The following AFG3L2 variants were observed in gnomAD, a reference collection of about 807,000 sequenced individuals.
The protein encoded by AFG3L2 is mitochondrial inner membrane m-AAA protease component AFG3L2.
AFG3L2 carries 54 observed loss-of-function variants against 94.5 expected under a neutral mutation model. That is an observed-to-expected ratio of 0.57 (90% CI 0.46 to 0.72). The LOEUF (loss-of-function observed/expected upper bound fraction) is 0.72, where lower values mean the gene tolerates loss of function less well. Among genes scored for constraint, AFG3L2 ranks in the 30% least tolerant of loss-of-function variants. The probability of loss-of-function intolerance (pLI) is 0.00; values close to 1 mark genes in which losing one functional copy is unlikely to be tolerated. For synonymous variants in AFG3L2, 377 were observed against 365.5 expected, an observed-to-expected ratio of 1.03 and a Z score of -0.36; for missense variants, 754 against 994.9, an observed-to-expected ratio of 0.76 and a Z score of 3.26.
chr18:12,342,534 A>G (rs544061630), intron 14 of AFG3L2: 1 of 152,122 alleles, frequency 6.6e-6, no homozygotes, highest in East Asian at 1.9e-4. Context: ...AAAGAAAGAG[A>G]GTTTGAAATT....
At chr18:12,375,678 T>G (rs1172971150) in intron 1 of AFG3L2, among the ~76,000 whole-genome samples, 1 of 152,200 alleles carries the variant, frequency 6.6e-6, no homozygotes, top group Non-Finnish European at 1.5e-5. Flanking sequence ...CCCGAGCAGC[T>G]GGGACTACAG....
At chr18:12,343,558 C>A (rs763096660) in intron 14 of AFG3L2, 4 of 155,408 alleles carry the variant, frequency 2.6e-5, no homozygotes, top group Non-Finnish European at 4.3e-5. Context: ...ATGGTTCCCC[C>A]GTCTTTCAGG....
intron 14 of AFG3L2, chr18:12,341,515 A>C (rs1454111084): frequency 2.0e-5 from 3 of 152,186 alleles, no homozygotes; most frequent in Non-Finnish European, 4.4e-5. Context: ...TTGCAAATAA[A>C]TGAAATTGTA....
rs944863022 is a variant in AFG3L2, at chr18:12,337,547, A to G, written c.1981-12T>C. On this transcript the variant is annotated splice_polypyrimidine_tract_variant and intron_variant, in intron 15 of 16. Coordinates refer to ENST00000269143, the MANE Select transcript of AFG3L2 (RefSeq NM_006796.3). ...CCAAACTGAACAATCTGAAAAATAC[A>G]TAATTAGTGGTGATTACATATGATT... 1.2e-6 allele frequency: 2 copies of G among 1,613,370 alleles called. No individual in the cohort carries two copies. The highest frequency in any genetic ancestry group is 1.7e-6 in the Non-Finnish European group (2 of 1,179,286).
intron 1 of AFG3L2, among the ~76,000 whole-genome samples, chr18:12,376,696 T>C (rs961051927): frequency 6.6e-6 from 1 of 152,196 alleles, no homozygotes; most frequent in Non-Finnish European, 1.5e-5. Context: ...CAAGCCAACA[T>C]GACCTTCGAG....
intron 16 of AFG3L2, among the ~76,000 whole-genome samples, chr18:12,332,958 C>CTATATAATA (rs1568131893): frequency 1.9e-3 from 59 of 30,452 alleles, no homozygotes; most frequent in African/African-American, 5.1e-3. Flanking sequence ...ATATTATATA[C>CTATATAATA]TATAATATAT....
At chr18:12,344,367 A>G in intron 13 of AFG3L2, 120 bp from the exon 14 acceptor site, 1 of 807,288 alleles carries the variant, frequency 1.2e-6, no homozygotes, top group Non-Finnish European at 2.1e-6. Context: ...TGAGCTGCCT[A>G]TCACAATCCA....
At chr18:12,332,945 AAT>A (rs377242840) in intron 16 of AFG3L2, among the ~76,000 whole-genome samples, 2 of 112,108 alleles carry the variant, frequency 1.8e-5, no homozygotes, top group African/African-American at 6.8e-5. Flanking sequence ...TATAACATAT[AAT>A]ATATTATATA....
intron 3 of AFG3L2, among the ~76,000 whole-genome samples, chr18:12,369,137 C>T (rs1394056471): frequency 3.9e-5 from 6 of 152,136 alleles, no homozygotes; most frequent in East Asian, 1.9e-4. Flanking sequence ...CTAAAAAACA[C>T]GCAGTAAGCA....
chr18:12,371,673 T>G lies in AFG3L2; in HGVS notation c.133A>C (p.Thr45Pro), dbSNP rs1161540273. The G allele has an allele frequency of 1.2e-6, 2 of 1,613,978 alleles. No individual in the cohort carries two copies. Among genetic ancestry groups the G allele is most frequent in the Non-Finnish European group, 1.7e-6 (2 of 1,179,988 alleles). ...GAATTTCTGCTGGCCCTTGCTTGAG[T>G]TGTAACAAATCGGTAAAGCTGCAAC... is the stretch of plus-strand genomic sequence containing the variant. The part of the protein sequence containing the change: ...CLRTLYRFVT[T>P]QARASRNSLL... Residue 45 changes from threonine to proline, a missense_variant, in exon 2 of 17, where the codon ACT (threonine) becomes CCT (proline). By Grantham distance (38) the Thr-to-Pro change is conservative (BLOSUM62 -1). Around this residue, in one of 4 missense-constraint regions of AFG3L2, gnomAD observed 236 missense variants for 214.0 expected, o/e 1.10. Transcript: ENST00000269143.
At chr18:12,360,247 G>A (rs1908618933) in intron 6 of AFG3L2, 196 bp from the exon 7 acceptor site, 2 of 571,310 alleles carry the variant, frequency 3.5e-6, no homozygotes, top group Admixed American at 3.3e-5. Context: ...GCAATTCTTG[G>A]CAAATAAGCA....
intron 13 of AFG3L2, among the ~76,000 whole-genome samples, chr18:12,347,736 A>T (rs1365212526): frequency 1.3e-5 from 2 of 151,984 alleles, no homozygotes; most frequent in Non-Finnish European, 2.9e-5. Flanking sequence ...TTTTTAGTAG[A>T]GATGGGGTTT....
At chr18:12,333,184 TAA>T (rs1568132232) in intron 16 of AFG3L2, among the ~76,000 whole-genome samples, 2 of 117,772 alleles carry the variant, frequency 1.7e-5, no homozygotes, top group African/African-American at 7.1e-5. Flanking sequence ...GATAATATAA[TAA>T]ATAATATATA....
intron 3 of AFG3L2, 138 bp downstream of exon 3, chr18:12,370,711 G>T: frequency 1.6e-6 from 1 of 635,474 alleles, no homozygotes; most frequent in Non-Finnish European, 2.9e-6. Flanking sequence ...CACCCGCCTA[G>T]GCCTCCCAAA....
intron 12 of AFG3L2, among the ~76,000 whole-genome samples, chr18:12,349,237 G>T (rs61148681): frequency 9.5e-4 from 144 of 152,188 alleles, no homozygotes; most frequent in Middle Eastern, 3.4e-3. Context: ...CACCAGCTAG[G>T]ATGGCTGTAA....
chr18:12,343,398 C>T (rs1187372199), intron 14 of AFG3L2: 1 of 152,502 alleles, frequency 6.6e-6, no homozygotes, highest in African/African-American at 2.4e-5. Flanking sequence ...GGTTCCCTTG[C>T]TTCAGGGGAC....
At chr18:12,376,305 T>C (rs1489422477) in intron 1 of AFG3L2, among the ~76,000 whole-genome samples, 1 of 152,202 alleles carries the variant, frequency 6.6e-6, no homozygotes, top group Non-Finnish European at 1.5e-5. Context: ...GAACCTTTCA[T>C]TGAGACTGAT....
intron 3 of AFG3L2, among the ~76,000 whole-genome samples, chr18:12,367,655 G>GA (rs1251329623): frequency 6.6e-6 from 1 of 152,236 alleles, no homozygotes; most frequent in Admixed American, 6.5e-5. Context: ...CACAGAGGGA[G>GA]AAAGTATAGC....
At chr18:12,359,451 A>AT (rs1340320323) in intron 7 of AFG3L2, among the ~76,000 whole-genome samples, 3 of 152,096 alleles carry the variant, frequency 2.0e-5, no homozygotes, top group Non-Finnish European at 2.9e-5. Flanking sequence ...AAAAATAAAG[A>AT]TAAAAAGCCA....
Sources: gnomAD v4.1 joint callset for allele counts (sites outside exome capture counted in the v4.1 genomes callset) on GRCh38, gnomAD v4.1.1 for gene constraint, gnomAD v4.1.1 regional missense constraint, MANE v1.5 for transcripts, NCBI Gene and HGNC (gene_info 2026-07-23, HGNC 2026-07-21) for gene names.